Variants in EPHB1 observed in about 807,000 individuals in gnomAD.
The protein encoded by EPHB1 is ephrin type-B receptor 1.
In EPHB1, 30 loss-of-function variants were observed where a neutral mutation model predicts 94.4. The observed-to-expected ratio is 0.32, with a 90% CI of 0.24 to 0.43. The LOEUF (loss-of-function observed/expected upper bound fraction) is 0.43. Among genes scored for constraint, EPHB1 ranks in the 20% least tolerant of loss-of-function variants. The pLI, the probability that EPHB1 is intolerant of heterozygous loss-of-function variation, is 1.00. For missense variants in EPHB1, 1,055 were observed against 1,308.3 expected, an observed-to-expected ratio of 0.81 and a Z score of 2.99; for synonymous variants, 522 against 489.1, an observed-to-expected ratio of 1.07 and a Z score of -0.89.
chr3:134,958,151 G>A (rs1562509), intron 3 of EPHB1, among the ~76,000 whole-genome samples: 75,596 of 152,008 alleles, frequency 0.5, 19,697 homozygotes, highest in African/African-American at 0.64. Flanking sequence ...TGGAAACCCA[G>A]GGGACATTTT....
chr3:135,057,960 T>C (rs1328639479), intron 3 of EPHB1, among the ~76,000 whole-genome samples: 9 of 152,208 alleles, frequency 5.9e-5, no homozygotes, highest in Non-Finnish European at 8.8e-5. Flanking sequence ...TTTGATCAGC[T>C]GTAGACAGCA....
At chr3:135,205,287 C>T (rs4894268) in intron 12 of EPHB1, among the ~76,000 whole-genome samples, 51,591 of 151,880 alleles carry the variant, frequency 0.34, 9,412 homozygotes, top group East Asian at 0.52. Context: ...ATTTTTCTAT[C>T]GGGTTGTTTG....
chr3:134,835,253 A>C (rs937948919), intron 1 of EPHB1, among the ~76,000 whole-genome samples: 2 of 152,212 alleles, frequency 1.3e-5, no homozygotes, highest in Non-Finnish European at 2.9e-5. Context: ...GAGGTGGTGG[A>C]AACTCCAGAG....
chr3:135,098,998 G>A (rs1378271211), intron 3 of EPHB1, among the ~76,000 whole-genome samples: 1 of 113,042 alleles, frequency 8.8e-6, no homozygotes, highest in Non-Finnish European at 1.7e-5. Flanking sequence ...GGGCAACAGA[G>A]TGAGACCCTG....
chr3:135,135,901 G>A (rs2107688563), intron 5 of EPHB1, among the ~76,000 whole-genome samples: 2 of 152,326 alleles, frequency 1.3e-5, no homozygotes, highest in Non-Finnish European at 2.9e-5. Context: ...AATTATTATA[G>A]TTAACACCTC....
At chr3:135,193,818 A>G (rs1370716389) in intron 11 of EPHB1, among the ~76,000 whole-genome samples, 1 of 152,266 alleles carries the variant, frequency 6.6e-6, no homozygotes, top group Non-Finnish European at 1.5e-5. Context: ...ATGCTACGTA[A>G]CAAATCATCC....
At chr3:134,809,210 A>G (rs180869069) in intron 1 of EPHB1, among the ~76,000 whole-genome samples, 56 of 152,274 alleles carry the variant, frequency 3.7e-4, no homozygotes, top group African/African-American at 1.3e-3. Context: ...TCATTTGCAG[A>G]CTACTTTTTT....
At chr3:135,039,164 C>T (rs1209473317) in intron 3 of EPHB1, among the ~76,000 whole-genome samples, 1 of 151,822 alleles carries the variant, frequency 6.6e-6, no homozygotes, top group Non-Finnish European at 1.5e-5. Flanking sequence ...TACAGAGTGC[C>T]GATTGGTGTA....
At chr3:135,015,564 C>G (rs527854716) in intron 3 of EPHB1, among the ~76,000 whole-genome samples, 1 of 152,294 alleles carries the variant, frequency 6.6e-6, no homozygotes, top group East Asian at 1.9e-4. Context: ...CCTAATGTCA[C>G]TGGGCATCTA....
intron 2 of EPHB1, among the ~76,000 whole-genome samples, chr3:134,929,493 G>C (rs1429377100): frequency 6.6e-6 from 1 of 152,242 alleles, no homozygotes; most frequent in Non-Finnish European, 1.5e-5. Context: ...GCCTGGAAGA[G>C]CTGTGGCATT....
intron 1 of EPHB1, chr3:134,796,250 G>T: frequency 6.1e-6 from 1 of 164,074 alleles, no homozygotes. Context: ...GGCCGCCGAA[G>T]GAGAGGGGTG....
intron 1 of EPHB1, among the ~76,000 whole-genome samples, chr3:134,837,839 T>C (rs2036701723): frequency 6.6e-6 from 1 of 152,192 alleles, no homozygotes; most frequent in Non-Finnish European, 1.5e-5. Flanking sequence ...GTGAGGAGAA[T>C]GAGTGGCCTC....
intron 1 of EPHB1, among the ~76,000 whole-genome samples, chr3:134,798,484 C>T (rs1409678660): frequency 6.6e-6 from 1 of 152,160 alleles, no homozygotes; most frequent in Non-Finnish European, 1.5e-5. Flanking sequence ...CTCCTTTCCC[C>T]CCACACTCCC....
chr3:135,257,263 A>T (rs183006314), intron 15 of EPHB1, among the ~76,000 whole-genome samples: 2 of 152,194 alleles, frequency 1.3e-5, no homozygotes, highest in African/African-American at 4.8e-5. Flanking sequence ...CTGGTGAGGA[A>T]CTGCGTTCCT....
chr3:135,200,534 T>G (rs1329784121), intron 11 of EPHB1, among the ~76,000 whole-genome samples: 1 of 152,206 alleles, frequency 6.6e-6, no homozygotes, highest in East Asian at 1.9e-4. Context: ...CATGCTTGAT[T>G]TTGGAAAGAG....
chr3:135,165,563 G>C (rs1025653299), intron 7 of EPHB1, among the ~76,000 whole-genome samples: 1 of 152,198 alleles, frequency 6.6e-6, no homozygotes. Flanking sequence ...TATTGACTCT[G>C]TGCCATTTCA....
intron 3 of EPHB1, among the ~76,000 whole-genome samples, chr3:134,964,650 T>G (rs142214776): frequency 1.3e-5 from 2 of 152,324 alleles, no homozygotes; most frequent in East Asian, 3.9e-4. Flanking sequence ...CCCACATGGA[T>G]CTGAATGTGG....
At chr3:135,048,909 GCA>G (rs1360048291) in intron 3 of EPHB1, among the ~76,000 whole-genome samples, 7 of 152,204 alleles carry the variant, frequency 4.6e-5, no homozygotes, top group Non-Finnish European at 1.0e-4. Context: ...TTGTTGCTAA[GCA>G]CACATTGCTG....
chr3:135,259,808 G>A lies in EPHB1; in HGVS notation c.*688G>A, dbSNP rs1343117665. Reference sequence around the variant, plus strand: ...AAAAAGGAAAAAGAAACCACAAATTGGGGAAAAAAAAAGAAGAAAAACCTG... The same window carrying A: ...AAAAAGGAAAAAGAAACCACAAATTAGGGAAAAAAAAAGAAGAAAAACCTG... On this transcript the variant is annotated 3_prime_UTR_variant, in exon 16 of 16. Transcript: ENST00000398015. 1.4e-5 allele frequency: 3 copies of A among 210,424 alleles called. No individual in the cohort carries two copies. Among genetic ancestry groups the A allele is most frequent in the African/African-American group, 7.0e-5 (3 of 42,790 alleles). The allele number at this position is 210,424 out of a possible 1,614,324, so 13.0% of individuals were successfully genotyped here. A position where few individuals can be genotyped will look rare whatever the true frequency, so the allele number is the denominator to read the frequency against.
Sources: allele counts gnomAD v4.1 joint callset (sites outside exome capture counted in the v4.1 genomes callset), GRCh38; gene constraint gnomAD v4.1.1; transcripts MANE v1.5; gene names NCBI Gene and HGNC (gene_info 2026-07-23, HGNC 2026-07-21).